The following ZNF599 variants were observed in gnomAD, a reference collection of about 807,000 sequenced individuals.
ZNF599 encodes the protein zinc finger protein 599.
ZNF599 carries 10 observed loss-of-function variants against 11.7 expected under a neutral mutation model. The observed-to-expected ratio is 0.86, with a 90% CI of 0.53 to 1.45. ZNF599 has a LOEUF of 1.45. Ranked by LOEUF, ZNF599 falls within the 40% of genes most tolerant of loss-of-function variation. The pLI is 0.00. For synonymous variants in ZNF599, 232 were observed against 253.2 expected, an observed-to-expected ratio of 0.92 and a Z score of 0.79; for missense variants, 688 against 713.6, an observed-to-expected ratio of 0.96 and a Z score of 0.41.
chr19:34,787,250 ATCATC>A, the ZNF599 span, among the ~76,000 whole-genome samples: 15 of 151,994 alleles, frequency 9.9e-5, no homozygotes, highest in African/African-American at 3.4e-4. Context: ...CATCATCATC[ATCATC>A]ATCATCATCA....
the ZNF599 span, among the ~76,000 whole-genome samples, chr19:34,795,404 A>G: frequency 6.6e-6 from 1 of 152,064 alleles, no homozygotes; most frequent in Non-Finnish European, 1.5e-5. Flanking sequence ...CCTTCCAAGT[A>G]GCTGGGACCA....
chr19:34,763,364 T>C (rs1385371909), intron 3 of ZNF599: 2 of 152,254 alleles, frequency 1.3e-5, no homozygotes, highest in African/African-American at 4.8e-5. Flanking sequence ...GGGACAATTA[T>C]GAAAGTCAGA....
chr19:34,777,240 TATATTTAA>T (rs2069219681), upstream of ZNF599, among the ~76,000 whole-genome samples: 1 of 131,982 alleles, frequency 7.6e-6, no homozygotes, highest in African/African-American at 2.8e-5. Context: ...TATTTAAATA[TATATTTAA>T]AATATATATT....
upstream of ZNF599, among the ~76,000 whole-genome samples, chr19:34,777,738 T>C (rs1412330619): frequency 6.7e-6 from 1 of 150,354 alleles, no homozygotes; most frequent in Non-Finnish European, 1.5e-5. Context: ...GAACAAATAT[T>C]GTATGATCCC....
rs781085981 is a variant in ZNF599, at chr19:34,760,261, C to T, written c.540G>A (p.Glu180=). 2.5e-6 allele frequency: 4 copies of T among 1,614,070 alleles called. No homozygotes were observed. Among genetic ancestry groups the T allele is most frequent in the Non-Finnish European group, 3.4e-6 (4 of 1,180,038 alleles). Residue 180 remains glutamate (E), a synonymous_variant, in exon 4 of 4, where the codon GAG becomes GAA. Transcript: ENST00000329285. Reference sequence around the variant, plus strand: ...CTTTTCCTGGTCCTTGAGAGTCACACTCATGGAGAGCATCTTGTGGAGTGA... The same window carrying T: ...CTTTTCCTGGTCCTTGAGAGTCACATTCATGGAGAGCATCTTGTGGAGTGA... ...ERVTPQDALH[E]CDSQGPGKDP... is the part of the protein sequence containing the mutation.
Position 34,758,878 on chromosome 19 carries a change from G to A in ZNF599, c.*156C>T. 2.8e-6 allele frequency: 2 copies of A among 703,766 alleles called. No individual in the cohort carries two copies. Among genetic ancestry groups the A allele is most frequent in the Non-Finnish European group, 4.6e-6 (2 of 432,788 alleles). 43.6% of individuals were successfully genotyped at this position (703,766 alleles called of 1,614,324 possible). A position where few individuals can be genotyped will look rare whatever the true frequency, so the allele number is the denominator to read the frequency against. On this transcript the variant is annotated 3_prime_UTR_variant, in exon 4 of 4. Transcript: ENST00000329285. ...TACCTGCCATAAAAAGATTTCACAGGGACAATTCTGTTTCTAGTTAGTATA... is the reference window on the plus strand; with the variant it reads ...TACCTGCCATAAAAAGATTTCACAGAGACAATTCTGTTTCTAGTTAGTATA...
upstream of ZNF599, among the ~76,000 whole-genome samples, chr19:34,777,451 T>C (rs1374347133): frequency 3.1e-5 from 3 of 97,052 alleles, no homozygotes; most frequent in African/African-American, 1.3e-4. Context: ...ATATATTAAT[T>C]AATATATAAT....
intron 3 of ZNF599, among the ~76,000 whole-genome samples, chr19:34,766,114 G>A (rs2069140941): frequency 6.6e-6 from 1 of 152,188 alleles, no homozygotes; most frequent in South Asian, 2.1e-4. Flanking sequence ...AGTGTGAGGT[G>A]CCTCTGAGAC....
intron 1 of ZNF599, among the ~76,000 whole-genome samples, chr19:34,771,055 G>GT (rs1431426225): frequency 2.0e-5 from 3 of 152,140 alleles, no homozygotes; most frequent in Non-Finnish European, 4.4e-5. Flanking sequence ...TGGGAAGACT[G>GT]TTTGAGTTCA....
At chr19:34,792,273 A>G in the ZNF599 span, among the ~76,000 whole-genome samples, 1 of 152,304 alleles carries the variant, frequency 6.6e-6, no homozygotes, top group Non-Finnish European at 1.5e-5. Context: ...AGTGGGTCTC[A>G]ACCTCCCTGA....
At chr19:34,785,480 C>T in the ZNF599 span, among the ~76,000 whole-genome samples, 1 of 152,168 alleles carries the variant, frequency 6.6e-6, no homozygotes, top group Non-Finnish European at 1.5e-5. Context: ...AAGAGAGACC[C>T]ACTCCTCACT....
the ZNF599 span, among the ~76,000 whole-genome samples, chr19:34,805,869 A>G: frequency 6.6e-6 from 1 of 152,300 alleles, no homozygotes; most frequent in Admixed American, 6.5e-5. Flanking sequence ...CTTACCTTCA[A>G]GCATTTGGAG....
rs373668085 is a variant in ZNF599, at chr19:34,772,788, C to T, written c.18+36G>A. The T allele has an allele frequency of 1.9e-4, 292 of 1,535,000 alleles. 1 individual carries two copies. In the African/African-American group the frequency reaches 3.7e-3, roughly 20 times the overall value. ...GCGGATGGGTGCATGCGGGCGGTGA[C>T]CCGAGCTCGCGCGGGCTGCGGAACC... is the stretch of plus-strand genomic sequence containing the variant. On this transcript the variant is annotated intron_variant, in intron 1 of 3. Coordinates refer to ENST00000329285, the MANE Select transcript of ZNF599 (RefSeq NM_001007248.3).
At position 34,759,843 on chromosome 19, in the gene ZNF599, A is replaced by G; in HGVS notation, c.958T>C (p.Phe320Leu). The G allele has an allele frequency of 6.2e-7, 1 of 1,614,174 alleles. No individual in the cohort carries two copies. Among genetic ancestry groups the G allele is most frequent in the South Asian group, 1.1e-5 (1 of 91,080 alleles). ...TGAGCAAATGAGGAGCTGTAGTAAA[A>G]AGCTTTCCCACATTCTTTGCATAAA... ...PFLCKECGKA[F>L]YYSSSFAQHM... is the part of the protein sequence containing the mutation. The change falls in exon 4 of 4, where the codon TTT (phenylalanine) becomes CTT (leucine). Residue 320 changes from phenylalanine (F) to leucine (L), a missense_variant. Transcript: ENST00000329285.
the ZNF599 span, among the ~76,000 whole-genome samples, chr19:34,801,675 G>C: frequency 1.3e-5 from 2 of 152,198 alleles, no homozygotes; most frequent in Non-Finnish European, 2.9e-5. Context: ...CTTTTTCACT[G>C]TAAATGGCTG....
intron 3 of ZNF599, 140 bp downstream of exon 3, chr19:34,767,176 G>A (rs2069149454): frequency 3.2e-6 from 2 of 621,946 alleles, no homozygotes; most frequent in Admixed American, 5.3e-5. Flanking sequence ...ACAGAAGTGG[G>A]AAGACGGGGG....
chr19:34,787,260 TCATCATCAC>T, the ZNF599 span, among the ~76,000 whole-genome samples: 1 of 142,030 alleles, frequency 7.0e-6, no homozygotes, highest in Non-Finnish European at 1.5e-5. Flanking sequence ...ATCATCATCA[TCATCATCAC>T]AAGACACTCA....
chr19:34,776,728 G>T (rs777549972), upstream of ZNF599, among the ~76,000 whole-genome samples: 1 of 152,340 alleles, frequency 6.6e-6, no homozygotes, highest in Non-Finnish European at 1.5e-5. Flanking sequence ...AGTGGTAGAA[G>T]AAAACAGTTT....
the ZNF599 span, among the ~76,000 whole-genome samples, chr19:34,790,323 T>A: frequency 2.2e-4 from 34 of 152,118 alleles, no homozygotes; most frequent in African/African-American, 8.2e-4. Context: ...TCAACCTAAG[T>A]GTCTGTCAAT....
Sources: gnomAD v4.1 joint callset for allele counts (sites outside exome capture counted in the v4.1 genomes callset) on GRCh38, gnomAD v4.1.1 for gene constraint, MANE v1.5 for transcripts, NCBI Gene and HGNC (gene_info 2026-07-23, HGNC 2026-07-21) for gene names.